The following ALG11 variants were observed in gnomAD, a reference collection of about 807,000 sequenced individuals.
The protein encoded by ALG11 is GDP-Man:Man(3)GlcNAc(2)-PP-Dol alpha-1,2-mannosyltransferase.
Under a neutral mutation model 38.8 loss-of-function variants are expected in ALG11, and 26 were observed. That is an observed-to-expected ratio of 0.67 (90% CI 0.49 to 0.93). The LOEUF (loss-of-function observed/expected upper bound fraction) is 0.93, where lower values mean the gene tolerates loss of function less well. Among genes scored for constraint, ALG11 ranks in the 40% least tolerant of loss-of-function variants. The pLI, the probability that ALG11 is intolerant of heterozygous loss-of-function variation, is 0.00. For missense variants in ALG11, 535 were observed against 578.8 expected (o/e 0.92, Z 0.78); for synonymous variants, 199 against 211.6 (o/e 0.94, Z 0.52).
chr13:52,021,008 C>T (rs1412778206), intron 2 of ALG11: 1 of 152,164 alleles, frequency 6.6e-6, no homozygotes, highest in African/African-American at 2.4e-5. Flanking sequence ...ATTAAGAGAA[C>T]AAGATCGATC....
At chr13:52,023,118 A>T (rs1954200228) in intron 2 of ALG11, 1 of 152,226 alleles carries the variant, frequency 6.6e-6, no homozygotes, top group Admixed American at 6.5e-5. Context: ...CATTTTTCAG[A>T]TAAAAACCCT....
intron 1 of ALG11, chr13:52,017,859 A>G (rs764415127): frequency 6.6e-6 from 1 of 152,256 alleles, no homozygotes; most frequent in East Asian, 1.9e-4. Flanking sequence ...TACAGCCTGC[A>G]TACCTGTGTC....
rs1954325361 is a variant in ALG11, at chr13:52,033,381, AG to A, written c.*4792del. 6.0e-6 allele frequency: 1 copy of A among 167,082 alleles called. No individual in the cohort carries two copies. Among genetic ancestry groups the A allele is most frequent in the African/African-American group, 2.4e-5 (1 of 41,458 alleles). The allele number at this position is 167,082 out of a possible 1,614,324, so 10.3% of individuals were successfully genotyped here. A position where few individuals can be genotyped will look rare whatever the true frequency, so the allele number is the denominator to read the frequency against. ...TAATAATTATTTGTAAATATTATTT[AG>A]ATTTGTATTTAGACATGATTTATAT... is the stretch of plus-strand genomic sequence containing the variant. On this transcript the variant is annotated 3_prime_UTR_variant, in exon 4 of 4. Transcript: ENST00000521508.
rs886050315 is a variant in ALG11 at position 52,029,530 on chromosome 13, A to G, written c.*940A>G. 46 of 1,614,124 alleles carry G rather than the reference A, an allele frequency of 2.8e-5. No individual in the cohort carries two copies. Among genetic ancestry groups the G allele is most frequent in the Non-Finnish European group, 3.8e-5 (45 of 1,180,050 alleles). On this transcript the variant is annotated 3_prime_UTR_variant, in exon 4 of 4. Coordinates refer to ENST00000521508, the MANE Select transcript of ALG11 (RefSeq NM_001004127.3). Reference sequence around the variant, plus strand: ...CCTACTATGAGGCCAAGGCTCGAAAAGAGAAGAAAATCAAAAGTAAAAAGT... The same window carrying G: ...CCTACTATGAGGCCAAGGCTCGAAAGGAGAAGAAAATCAAAAGTAAAAAGT...
At position 52,019,216 on chromosome 13, in the gene ALG11, C is replaced by CTTTT. The variant is rs767701891; in HGVS notation, c.275+93_275+96dup. The CTTTT allele has an allele frequency of 2.2e-3, 962 of 445,990 alleles. 2 individuals are homozygous for CTTTT. Among genetic ancestry groups the CTTTT allele is most frequent in the East Asian group, 3.6e-3 (62 of 17,422 alleles). 27.6% of individuals were successfully genotyped at this position (445,990 alleles called of 1,614,324 possible). A position where few individuals can be genotyped will look rare whatever the true frequency, so the allele number is the denominator to read the frequency against. On this transcript the variant is annotated intron_variant, in intron 2 of 3. Coordinates refer to ENST00000521508, the MANE Select transcript of ALG11 (RefSeq NM_001004127.3). Reference sequence around the variant, plus strand: ...TAAAAATTATTATCCAGAAATTCATCTTTTTTTTTTTTTTTTTTTTTTTGA... The same window carrying CTTTT: ...TAAAAATTATTATCCAGAAATTCATCTTTTTTTTTTTTTTTTTTTTTTTTTTTGA...
At chr13:52,014,829 A>G (rs1954121572) in intron 1 of ALG11, among the ~76,000 whole-genome samples, 1 of 152,230 alleles carries the variant, frequency 6.6e-6, no homozygotes, top group African/African-American at 2.4e-5. Flanking sequence ...AGTGTCAAGG[A>G]TGAGAAACTC....
rs189674175 is a variant in ALG11 at position 52,030,971 on chromosome 13, A to G, written c.*2381A>G. 6.2e-7 allele frequency: 1 copy of G among 1,614,200 alleles called. No individual in the cohort carries two copies. The highest frequency in any genetic ancestry group is 1.3e-5 in the African/African-American group (1 of 75,044). On this transcript the variant is annotated 3_prime_UTR_variant, in exon 4 of 4. Transcript: ENST00000521508. ...GCTGACTACTCCCAAGGTCGTCACC[A>G]AGCCAGGCCATATCATTAAGCCCAT...
At position 52,032,000 on chromosome 13, in the gene ALG11, A is replaced by G; in HGVS notation, c.*3410A>G. ...CACTTTGGGAGGCCGAGATGGGTGGATCATGAGGTCAGCAGTTGAGACCAG... is the reference window on the plus strand; with the variant it reads ...CACTTTGGGAGGCCGAGATGGGTGGGTCATGAGGTCAGCAGTTGAGACCAG... On this transcript the variant is annotated 3_prime_UTR_variant, in exon 4 of 4. Coordinates refer to ENST00000521508, the MANE Select transcript of ALG11 (RefSeq NM_001004127.3). 6.2e-6 allele frequency: 1 copy of G among 161,082 alleles called. No individual in the cohort carries two copies. Among genetic ancestry groups the G allele is most frequent in the East Asian group, 1.9e-4 (1 of 5,188 alleles). The allele number at this position is 161,082 out of a possible 1,614,324, so 10.0% of individuals were successfully genotyped here. A position where few individuals can be genotyped will look rare whatever the true frequency, so the allele number is the denominator to read the frequency against.
Position 52,030,886 on chromosome 13 carries a change from T to G in ALG11, c.*2296T>G, listed in dbSNP as rs752993947. 11 of 1,614,012 alleles carry G rather than the reference T, an allele frequency of 6.8e-6. No homozygotes were observed. The highest frequency in any genetic ancestry group is 2.5e-6 in the Non-Finnish European group (3 of 1,180,032). ...ATCCATTTACCCACCATCGGCAATT[T>G]GAAAGGACCATCCAGACCCCTATAG... On this transcript the variant is annotated 3_prime_UTR_variant, in exon 4 of 4. Transcript: ENST00000521508.
rs376414131 is a variant in ALG11, at chr13:52,029,759, C to T, written c.*1169C>T. The T allele has an allele frequency of 1.3e-5, 21 of 1,614,010 alleles. No individual in the cohort carries two copies. Among genetic ancestry groups the T allele is most frequent in the Middle Eastern group, 3.3e-4 (2 of 6,084 alleles). On this transcript the variant is annotated 3_prime_UTR_variant, in exon 4 of 4. Coordinates refer to ENST00000521508, the MANE Select transcript of ALG11 (RefSeq NM_001004127.3). ...TATGGCCAAATATGACCTGGAGGCTCGCCAAGCTATGCAGGAACAGTTGGC... is the reference window on the plus strand; with the variant it reads ...TATGGCCAAATATGACCTGGAGGCTTGCCAAGCTATGCAGGAACAGTTGGC...
Position 52,028,834 on chromosome 13 carries a change from G to A in ALG11, c.*244G>A. 2 of 1,614,230 alleles carry A rather than the reference G, an allele frequency of 1.2e-6. No homozygotes were observed. The highest frequency in any genetic ancestry group is 1.7e-6 in the Non-Finnish European group (2 of 1,180,038). ...ATGTGAACCAGGTTGCAGAGAATCT[G>A]GCTTTGAGCCACCAGGAAGAACTAG... On this transcript the variant is annotated 3_prime_UTR_variant, in exon 4 of 4. Transcript: ENST00000521508.
At chr13:52,025,055 C>A in intron 3 of ALG11, 118 bp downstream of exon 3, 2 of 1,160,148 alleles carry the variant, frequency 1.7e-6, no homozygotes, top group Non-Finnish European at 2.5e-6. Context: ...TGCCCTCATC[C>A]ACCAAATGTG....
chr13:52,026,855 TGCAGGTA>T (rs1954246126), intron 3 of ALG11, among the ~76,000 whole-genome samples: 1 of 152,196 alleles, frequency 6.6e-6, no homozygotes, highest in Non-Finnish European at 1.5e-5. Flanking sequence ...ATTGTCCTTG[TGCAGGTA>T]GTTATCAAAG....
At position 52,030,821 on chromosome 13, in the gene ALG11, A is replaced by G; in HGVS notation, c.*2231A>G. The stretch of plus-strand genomic sequence containing the variant: ...AAATGTGATTATCAGTGAGAAGCGC[A>G]ACATCCACGCAGCAGCTCATCAGGT... On this transcript the variant is annotated 3_prime_UTR_variant, in exon 4 of 4. Transcript: ENST00000521508. 6.2e-7 allele frequency: 1 copy of G among 1,614,208 alleles called. No individual in the cohort carries two copies. The highest frequency in any genetic ancestry group is 8.5e-7 in the Non-Finnish European group (1 of 1,180,028).
At position 52,024,247 on chromosome 13, in the gene ALG11, A is replaced by C. The variant is rs780212123; in HGVS notation, c.517A>C (p.Ile173Leu). Residue 173 changes from isoleucine to leucine, a missense_variant, in exon 3 of 4, where the codon ATT becomes CTT. Coordinates refer to ENST00000521508, the MANE Select transcript of ALG11 (RefSeq NM_001004127.3). ...AATGCAGTGTGTTCCTGATGTTTAC[A>C]TTGATTCAATGGGATACGCTTTTAC... Reference protein sequence around the residue: ...ALMQCVPDVYIDSMGYAFTLP... With the variant: ...ALMQCVPDVYLDSMGYAFTLP... 5.6e-6 allele frequency: 9 copies of C among 1,614,158 alleles called. No individual in the cohort carries two copies. In the South Asian group the frequency reaches 9.9e-5, roughly 18 times the overall value.
chr13:52,020,817 GCT>G (rs1954177803), intron 2 of ALG11: 1 of 152,160 alleles, frequency 6.6e-6, no homozygotes, highest in Admixed American at 6.6e-5. Flanking sequence ...AACACATCAT[GCT>G]CTCTCTCGAG....
rs368021629 is a variant in ALG11, at chr13:52,012,471, C to T, written c.44+9C>T. The T allele has an allele frequency of 1.9e-6, 3 of 1,613,982 alleles. No individual in the cohort carries two copies. Among genetic ancestry groups the T allele is most frequent in the African/African-American group, 2.7e-5 (2 of 74,938 alleles). Reference sequence around the variant, plus strand: ...CTGTGCAAGTTGTTGAGGTGAGCAGCCGGTCGTGTGGGCTCACAGACGTTT... The same window carrying T: ...CTGTGCAAGTTGTTGAGGTGAGCAGTCGGTCGTGTGGGCTCACAGACGTTT... On this transcript the variant is annotated intron_variant, in intron 1 of 3. Coordinates refer to ENST00000521508, the MANE Select transcript of ALG11 (RefSeq NM_001004127.3).
chr13:52,018,765 A>T (rs1954156580), intron 1 of ALG11, 148 bp from the exon 2 acceptor site: 1 of 704,242 alleles, frequency 1.4e-6, no homozygotes, highest in South Asian at 1.8e-5. Context: ...TAGAATTTTC[A>T]TACTTGAGTA....
chr13:52,028,325 T>C lies in ALG11; in HGVS notation c.1214T>C (p.Val405Ala), dbSNP rs200978613. The change falls in exon 4 of 4, where the codon GTG (valine) becomes GCG (alanine). Residue 405 changes from valine to alanine, a missense_variant. Transcript: ENST00000521508. ...TTTGTGTTTTTTTTCTCAGGAGTTG[T>C]GGAGTGTATGGCAGCTGGCACAATT... Reference protein sequence around the residue: ...MWNEHFGIGVVECMAAGTIIL... With the variant: ...MWNEHFGIGVAECMAAGTIIL... 71 of 1,614,014 alleles carry C rather than the reference T, an allele frequency of 4.4e-5. No homozygotes were observed. The highest frequency in any genetic ancestry group is 8.5e-6 in the Non-Finnish European group (10 of 1,180,034).
Sources: allele counts gnomAD v4.1 joint callset (sites outside exome capture counted in the v4.1 genomes callset), GRCh38; gene constraint gnomAD v4.1.1; transcripts MANE v1.5; gene names NCBI Gene and HGNC (gene_info 2026-07-23, HGNC 2026-07-21).